The following THSD4 variants were observed in gnomAD, a reference collection of about 807,000 sequenced individuals.
The protein encoded by THSD4 is thrombospondin type-1 domain-containing protein 4.
A neutral mutation model predicts 119.0 loss-of-function variants in THSD4; 69 were observed. That is an observed-to-expected ratio of 0.58 (90% confidence interval 0.48 to 0.71). The LOEUF (loss-of-function observed/expected upper bound fraction) is 0.71. Ranked by LOEUF, THSD4 falls within the 30% of genes least tolerant of loss-of-function variation. THSD4 has a pLI of 0.00. For missense variants in THSD4, 1,393 were observed against 1,391.1 expected, an observed-to-expected ratio of 1.00 and a Z score of -0.02; for synonymous variants, 524 against 540.4, an observed-to-expected ratio of 0.97 and a Z score of 0.42.
At chr15:71,590,082 T>C (rs1420765161) in intron 7 of THSD4, among the ~76,000 whole-genome samples, 1 of 139,434 alleles carries the variant, frequency 7.2e-6, no homozygotes, top group African/African-American at 2.5e-5. Flanking sequence ...AAATTGAAGA[T>C]AGTGGTTACG....
At chr15:71,536,918 G>A (rs1214380189) in intron 7 of THSD4, among the ~76,000 whole-genome samples, 1 of 152,022 alleles carries the variant, frequency 6.6e-6, no homozygotes, top group Non-Finnish European at 1.5e-5. Flanking sequence ...GCCTACTTTT[G>A]TCTTAAAATG....
At chr15:71,288,915 A>G (rs1596316583) in intron 6 of THSD4, among the ~76,000 whole-genome samples, 1 of 152,046 alleles carries the variant, frequency 6.6e-6, no homozygotes, top group East Asian at 1.9e-4. Context: ...GAAATATAAC[A>G]CTCAATGGAC....
chr15:71,362,996 A>C (rs1219014367), intron 6 of THSD4, among the ~76,000 whole-genome samples: 1 of 152,012 alleles, frequency 6.6e-6, no homozygotes, highest in Non-Finnish European at 1.5e-5. Flanking sequence ...AAAAAATCAC[A>C]AAAGAAATCT....
At chr15:71,282,057 C>T (rs946056680) in intron 6 of THSD4, among the ~76,000 whole-genome samples, 2 of 152,224 alleles carry the variant, frequency 1.3e-5, no homozygotes, top group Admixed American at 1.3e-4. Flanking sequence ...ATAGTTCCTA[C>T]ACCTGACACC....
intron 3 of THSD4, among the ~76,000 whole-genome samples, chr15:71,210,337 T>C (rs553008464): frequency 6.6e-6 from 1 of 152,358 alleles, no homozygotes; most frequent in East Asian, 1.9e-4. Flanking sequence ...TAGCCTTCGG[T>C]TGGCCTGTAT....
chr15:71,475,753 T>C (rs2047646796), intron 7 of THSD4, among the ~76,000 whole-genome samples: 1 of 152,122 alleles, frequency 6.6e-6, no homozygotes, highest in Non-Finnish European at 1.5e-5. Context: ...TGAGACTCTG[T>C]CTCTACAAAA....
intron 3 of THSD4, among the ~76,000 whole-genome samples, chr15:71,206,540 A>G (rs564074713): frequency 1.4e-4 from 22 of 152,354 alleles, no homozygotes; most frequent in Non-Finnish European, 2.9e-4. Flanking sequence ...AGTCTCTCTT[A>G]GAATGAGACT....
chr15:71,137,298 C>T (rs1174115869), intron 1 of THSD4, among the ~76,000 whole-genome samples: 1 of 152,166 alleles, frequency 6.6e-6, no homozygotes, highest in East Asian at 1.9e-4. Context: ...GCTCTACAAC[C>T]TACAATGGCT....
chr15:71,639,778 C>T (rs3455), intron 7 of THSD4, among the ~76,000 whole-genome samples: 57,191 of 151,168 alleles, frequency 0.38, 11,531 homozygotes, highest in East Asian at 0.83. Context: ...TGTTCCTCAG[C>T]TCTTATCCCT....
chr15:71,321,954 A>G (rs2045274995), intron 6 of THSD4, among the ~76,000 whole-genome samples: 1 of 152,170 alleles, frequency 6.6e-6, no homozygotes, highest in Non-Finnish European at 1.5e-5. Context: ...ACAATTGCAA[A>G]TATTAACAAC....
chr15:71,780,665 G>A lies in THSD4; in HGVS notation c.*3291G>A, dbSNP rs528278890. 6.6e-6 allele frequency: 3 copies of A among 456,632 alleles called. No homozygotes were observed. The highest frequency in any genetic ancestry group is 2.3e-5 in the Admixed American group (1 of 42,564). The allele number at this position is 456,632 out of a possible 1,614,324, so 28.3% of individuals were successfully genotyped here. A position where few individuals can be genotyped will look rare whatever the true frequency, so the allele number is the denominator to read the frequency against. On this transcript the variant is annotated 3_prime_UTR_variant, in exon 18 of 18. Coordinates refer to ENST00000261862, the MANE Select transcript of THSD4 (RefSeq NM_024817.3). Reference sequence around the variant, plus strand: ...AGGGAGGGCAAGGCAGCCTGTCCCCGCCCCCAGGGAACTAGAACATGACAA... The same window carrying A: ...AGGGAGGGCAAGGCAGCCTGTCCCCACCCCCAGGGAACTAGAACATGACAA...
chr15:71,324,705 T>C (rs955259309), intron 6 of THSD4, among the ~76,000 whole-genome samples: 1 of 152,216 alleles, frequency 6.6e-6, no homozygotes, highest in African/African-American at 2.4e-5. Flanking sequence ...TATCCAATCA[T>C]TGGCCTATGG....
chr15:71,430,463 A>C (rs2046927518), intron 7 of THSD4, among the ~76,000 whole-genome samples: 2 of 152,234 alleles, frequency 1.3e-5, no homozygotes, highest in African/African-American at 4.8e-5. Flanking sequence ...TTAGACTTTT[A>C]AAAGCCTCTC....
At chr15:71,399,211 T>C (rs1007791065) in intron 6 of THSD4, among the ~76,000 whole-genome samples, 3 of 152,178 alleles carry the variant, frequency 2.0e-5, no homozygotes, top group African/African-American at 7.2e-5. Context: ...AACCATGTGG[T>C]TGTGACCAAG....
At chr15:71,247,178 A>G (rs753941911) in intron 5 of THSD4, among the ~76,000 whole-genome samples, 7 of 151,768 alleles carry the variant, frequency 4.6e-5, no homozygotes, top group Admixed American at 1.3e-4. Context: ...GATAACAGGC[A>G]TGAGCCACTG....
intron 7 of THSD4, among the ~76,000 whole-genome samples, chr15:71,506,164 C>T (rs1232294634): frequency 6.6e-6 from 1 of 152,150 alleles, no homozygotes; most frequent in Non-Finnish European, 1.5e-5. Flanking sequence ...AGTTTATGGC[C>T]ATGTTGTTCC....
At chr15:71,396,338 A>G (rs1439633653) in intron 6 of THSD4, among the ~76,000 whole-genome samples, 2 of 152,092 alleles carry the variant, frequency 1.3e-5, no homozygotes, top group Non-Finnish European at 2.9e-5. Context: ...ATACATACCT[A>G]TTTTACTGAG....
At chr15:71,169,673 C>G (rs527391170) in intron 3 of THSD4, among the ~76,000 whole-genome samples, 1 of 152,254 alleles carries the variant, frequency 6.6e-6, no homozygotes, top group South Asian at 2.1e-4. Context: ...ACCAAAAATA[C>G]CCAGATAACA....
intron 7 of THSD4, among the ~76,000 whole-genome samples, chr15:71,447,579 G>A (rs545715879): frequency 2.0e-5 from 3 of 152,288 alleles, no homozygotes; most frequent in African/African-American, 7.2e-5. Context: ...CAAGTGCCTC[G>A]AGGTAGGACT....
Sources: gnomAD v4.1 joint callset for allele counts (sites outside exome capture counted in the v4.1 genomes callset) on GRCh38, gnomAD v4.1.1 for gene constraint, MANE v1.5 for transcripts, NCBI Gene and HGNC (gene_info 2026-07-23, HGNC 2026-07-21) for gene names.